The following DHODH variants were observed in gnomAD, a reference collection of about 807,000 sequenced individuals.
The protein encoded by DHODH is dihydroorotate dehydrogenase (quinone), mitochondrial.
Under a neutral mutation model 39.7 loss-of-function variants are expected in DHODH, and 30 were observed. The observed-to-expected ratio is 0.76, with a 90% CI of 0.57 to 1.02. DHODH has a LOEUF of 1.02. Ranked by LOEUF, DHODH falls within the 50% of genes least tolerant of loss-of-function variation. The probability of loss-of-function intolerance (pLI) is 0.00; values close to 1 mark genes in which losing one functional copy is unlikely to be tolerated. For missense variants in DHODH, 531 were observed against 520.8 expected (o/e 1.02, Z -0.19); for synonymous variants, 222 against 213.8 (o/e 1.04, Z -0.34).
At chr16:72,015,647 T>A (rs754819204) in intron 3 of DHODH, 519 of 964,676 alleles carry the variant, frequency 5.4e-4, no homozygotes, top group Non-Finnish European at 6.0e-4. Context: ...TCTCCAGCAT[T>A]AGAGATCAAG....
In DHODH at chr16:72,014,470, C is replaced by G; in HGVS notation, c.235-3C>G. Reference sequence around the variant, plus strand: ...GCCTCTGACTTTGTCTTCCTCTTCCCAGGAAGTGAGAGTTCTGGGCCATAA... The same window carrying G: ...GCCTCTGACTTTGTCTTCCTCTTCCGAGGAAGTGAGAGTTCTGGGCCATAA... On this transcript the variant is annotated splice_region_variant and splice_polypyrimidine_tract_variant and intron_variant, in intron 2 of 8. Transcript: ENST00000219240. The G allele has an allele frequency of 6.2e-7, 1 of 1,614,022 alleles. No homozygotes were observed. The highest frequency in any genetic ancestry group is 8.5e-7 in the Non-Finnish European group (1 of 1,179,906).
intron 4 of DHODH, 134 bp downstream of exon 4, chr16:72,017,240 C>A: frequency 1.1e-6 from 1 of 898,692 alleles, no homozygotes; most frequent in Non-Finnish European, 1.8e-6. Context: ...GGACACCTCT[C>A]CTAGAGCGAT....
chr16:72,014,519 C>T lies in DHODH; in HGVS notation c.281C>T (p.Ala94Val), dbSNP rs1295452728. 6.2e-7 allele frequency: 1 copy of T among 1,614,076 alleles called. No individual in the cohort carries two copies. Among genetic ancestry groups the T allele is most frequent in the African/African-American group, 1.3e-5 (1 of 74,912 alleles). Residue 94 changes from alanine to valine, a missense_variant, in exon 3 of 9, where the codon GCT (alanine) becomes GTT (valine). Coordinates refer to ENST00000219240, the MANE Select transcript of DHODH (RefSeq NM_001361.5). ...AAATTCCGAAATCCAGTAGGAATTG[C>T]TGCAGGATTTGACAAGCATGGGGAA... ...GHKFRNPVGI[A>V]AGFDKHGEAV...
At chr16:72,021,386 A>ATGCTGAAGGTTCGCCCTGG in intron 5 of DHODH, 75 bp downstream of exon 5, 1 of 1,476,144 alleles carries the variant, frequency 6.8e-7, no homozygotes, top group Non-Finnish European at 9.2e-7. Context: ...CTCCAGGGCG[A>ATGCTGAAGGTTCGCCCTGG]ACCTTCAGCA....
Position 72,012,057 on chromosome 16 carries a change from C to T in DHODH, c.29C>T (p.Ala10Val), listed in dbSNP as rs2041087602. The T allele has an allele frequency of 1.9e-6, 3 of 1,613,942 alleles. No homozygotes were observed. Among genetic ancestry groups the T allele is most frequent in the African/African-American group, 2.7e-5 (2 of 74,906 alleles). MAWRHLKKR[A>V]QDAVIILGGG... ...ATATGCTCTTTTTTGCAGAAGCGGG[C>T]CCAGGATGCTGTGATCATCCTGGGG... Residue 10 changes from alanine (A) to valine (V), a missense_variant, in exon 2 of 9, where the codon GCC (alanine) becomes GTC (valine). Transcript: ENST00000219240.
At chr16:72,019,481 A>G (rs971789287) in intron 4 of DHODH, among the ~76,000 whole-genome samples, 12 of 152,210 alleles carry the variant, frequency 7.9e-5, no homozygotes, top group African/African-American at 2.4e-4. Flanking sequence ...CCATTGATGT[A>G]CCACTCCCCG....
intron 5 of DHODH, among the ~76,000 whole-genome samples, 161 bp from the exon 6 acceptor site, chr16:72,022,201 C>A (rs751151568): frequency 6.6e-6 from 1 of 152,110 alleles, no homozygotes; most frequent in African/African-American, 2.4e-5. Flanking sequence ...TCCATCTCGA[C>A]TGTACTCCTC....
Position 72,020,329 on chromosome 16 carries a change from G to GTGTATA in DHODH, c.518-794_518-793insGTATAT, listed in dbSNP as rs1453540434. The GTGTATA allele has an allele frequency of 1.4e-4, 14 of 102,188 alleles. 1 individual carries two copies. The highest frequency in any genetic ancestry group is 6.3e-4 in the African/African-American group (14 of 22,240). 6.3% of individuals were successfully genotyped at this position (102,188 alleles called of 1,614,324 possible). The stretch of plus-strand genomic sequence containing the variant: ...TATATATATGTGTATATGTATATGT[G>GTGTATA]TATATATATATATATATATATATAT... On this transcript the variant is annotated intron_variant, in intron 4 of 8. Transcript: ENST00000219240.
At chr16:72,011,015 C>G (rs1434721509) in intron 1 of DHODH, among the ~76,000 whole-genome samples, 2 of 147,668 alleles carry the variant, frequency 1.4e-5, no homozygotes, top group African/African-American at 2.7e-5. Flanking sequence ...CATGAGCCAC[C>G]AAGTCCAGCT....
chr16:72,008,851 C>T, intron 1 of DHODH, 66 bp downstream of exon 1: 3 of 1,551,572 alleles, frequency 1.9e-6, no homozygotes, highest in South Asian at 2.4e-5. Flanking sequence ...AACGGAGAGT[C>T]AGGCCGGGCG....
chr16:72,009,615 C>G (rs1356454007), intron 1 of DHODH, among the ~76,000 whole-genome samples: 1 of 147,542 alleles, frequency 6.8e-6, no homozygotes, highest in East Asian at 2.1e-4. Flanking sequence ...CCTTGACTTT[C>G]TTTTTATATG....
chr16:72,014,581 G>A lies in DHODH; in HGVS notation c.343G>A (p.Val115Ile). The change falls in exon 3 of 9, where the codon GTT (valine) becomes ATT (isoleucine). Residue 115 changes from valine to isoleucine, a missense_variant. Coordinates refer to ENST00000219240, the MANE Select transcript of DHODH (RefSeq NM_001361.5). ...DGLYKMGFGF[V>I]EIGSVTPKPQ... is the part of the protein sequence containing the mutation. ...ACTTTATAAGATGGGCTTTGGTTTT[G>A]TTGAGATAGGAAGTGTGACTCCAAA... 6.2e-7 allele frequency: 1 copy of A among 1,614,192 alleles called. No individual in the cohort carries two copies.
At chr16:72,022,222 G>A in intron 5 of DHODH, 140 bp from the exon 6 acceptor site, 1 of 686,874 alleles carries the variant, frequency 1.5e-6, no homozygotes, top group Non-Finnish European at 2.6e-6. Flanking sequence ...ACGTCTGAGG[G>A]CTGGCTTTCC....
At chr16:72,012,438 A>G (rs921998843) in intron 2 of DHODH, among the ~76,000 whole-genome samples, 176 bp downstream of exon 2, 2 of 152,170 alleles carry the variant, frequency 1.3e-5, no homozygotes, top group Admixed American at 6.5e-5. Context: ...ATGATTATCT[A>G]TTACGTATAT....
intron 1 of DHODH, among the ~76,000 whole-genome samples, chr16:72,011,823 T>C (rs1252614692): frequency 2.0e-5 from 3 of 152,176 alleles, no homozygotes; most frequent in African/African-American, 7.2e-5. Flanking sequence ...TGTCCCTCTT[T>C]AAATTTCTGG....
At chr16:72,017,405 A>G (rs1466080934) in intron 4 of DHODH, among the ~76,000 whole-genome samples, 2 of 152,210 alleles carry the variant, frequency 1.3e-5, no homozygotes, top group African/African-American at 4.8e-5. Context: ...CACACAGGCA[A>G]TGAGGGCAGG....
chr16:72,021,867 C>T (rs933039413), intron 5 of DHODH, among the ~76,000 whole-genome samples: 5 of 152,096 alleles, frequency 3.3e-5, no homozygotes, highest in African/African-American at 1.2e-4. Flanking sequence ...GAGGCCGAGG[C>T]AGGCAGATCA....
At position 72,021,254 on chromosome 16, in the gene DHODH, C is replaced by A. The variant is rs905556929; in HGVS notation, c.648C>A (p.Asn216Lys). 3 of 1,612,804 alleles carry A rather than the reference C, an allele frequency of 1.9e-6. No individual in the cohort carries two copies. Among genetic ancestry groups the A allele is most frequent in the African/African-American group, 2.7e-5 (2 of 74,916 alleles). ...DYLVVNVSSP[N>K]TAGLRSLQGK... ...TGGTGGTGAATGTGTCCAGCCCCAACACTGCCGGGCTGCGGAGCCTTCAGG... is the reference window on the plus strand; with the variant it reads ...TGGTGGTGAATGTGTCCAGCCCCAAAACTGCCGGGCTGCGGAGCCTTCAGG... Residue 216 changes from asparagine to lysine, a missense_variant, in exon 5 of 9, where the codon AAC (asparagine) becomes AAA (lysine). Transcript: ENST00000219240.
intron 5 of DHODH, 81 bp from the exon 6 acceptor site, chr16:72,022,281 A>C: frequency 9.9e-7 from 1 of 1,011,668 alleles, no homozygotes; most frequent in Non-Finnish European, 1.5e-6. Flanking sequence ...GTGGAAACCC[A>C]CTGACCTGCA....
Sources: allele counts gnomAD v4.1 joint callset (sites outside exome capture counted in the v4.1 genomes callset), GRCh38; gene constraint gnomAD v4.1.1; transcripts MANE v1.5; gene names NCBI Gene and HGNC (gene_info 2026-07-23, HGNC 2026-07-21).